The following SCFD1 variants were observed in gnomAD, a reference collection of about 807,000 sequenced individuals.
SCFD1 encodes sec1 family domain-containing protein 1.
Under a neutral mutation model 103.2 loss-of-function variants are expected in SCFD1, and 37 were observed. The observed-to-expected ratio is 0.36, with a 90% confidence interval of 0.28 to 0.47. The LOEUF (loss-of-function observed/expected upper bound fraction) is 0.47. Ranked by LOEUF, SCFD1 falls within the 20% of genes least tolerant of loss-of-function variation. The pLI is 1.00. For synonymous variants in SCFD1, 264 were observed against 245.0 expected, an observed-to-expected ratio of 1.08 and a Z score of -0.73; for missense variants, 639 against 761.2, an observed-to-expected ratio of 0.84 and a Z score of 1.89.
chr14:30,670,103 C>CAAAATT (rs1888396982), intron 10 of SCFD1, 153 bp from the exon 11 acceptor site: 2 of 616,294 alleles, frequency 3.2e-6, no homozygotes, highest in Non-Finnish European at 5.5e-6. Context: ...AATACAGAAA[C>CAAAATT]AAAATTACAT....
intron 19 of SCFD1, among the ~76,000 whole-genome samples, chr14:30,709,761 C>T (rs74041112): frequency 0.049 from 7,458 of 152,204 alleles, 596 homozygotes; most frequent in African/African-American, 0.17. Flanking sequence ...TCTTATTTAT[C>T]GTCAACTGTG....
intron 14 of SCFD1, among the ~76,000 whole-genome samples, chr14:30,679,462 C>T (rs1208435374): frequency 6.6e-6 from 1 of 152,076 alleles, no homozygotes; most frequent in East Asian, 1.9e-4. Flanking sequence ...TTTGCAATGT[C>T]TCTAAAATTT....
intron 14 of SCFD1, among the ~76,000 whole-genome samples, chr14:30,677,805 G>T (rs1889147987): frequency 7.9e-6 from 1 of 125,920 alleles, no homozygotes. Context: ...ACTTACTTGT[G>T]AACATACATT....
chr14:30,688,653 T>A (rs968647215), intron 14 of SCFD1, among the ~76,000 whole-genome samples: 1 of 108,926 alleles, frequency 9.2e-6, no homozygotes, highest in Non-Finnish European at 1.7e-5. Context: ...TTTTTTTGTT[T>A]TCCATTTGCT....
chr14:30,626,345 G>T (rs1353751585), intron 1 of SCFD1, among the ~76,000 whole-genome samples: 1 of 152,142 alleles, frequency 6.6e-6, no homozygotes, highest in East Asian at 1.9e-4. Flanking sequence ...ACTTAAGCGT[G>T]CCCTGAGAAT....
In SCFD1 at chr14:30,672,318, A is replaced by C. The variant is rs138668264; in HGVS notation, c.996-939A>C. On this transcript the variant is annotated intron_variant, in intron 11 of 24. Coordinates refer to ENST00000458591, the MANE Select transcript of SCFD1 (RefSeq NM_016106.4). ...CCAACATAGACTCAACTGGAGCTGG[A>C]GTAAATGCCTGTGCTTGTGAGGTAA... Among the ~76,000 whole-genome samples the C allele has an allele frequency of 5.3e-5, 8 of 152,262 alleles. No homozygotes were observed. The East Asian group carries it at 1.5e-3, about 29-fold the overall frequency.
intron 1 of SCFD1, among the ~76,000 whole-genome samples, chr14:30,627,787 C>T (rs1460592980): frequency 2.8e-5 from 4 of 142,572 alleles, no homozygotes; most frequent in Admixed American, 7.0e-5. Context: ...ATCTTTCTCA[C>T]TAGGCCACTC....
intron 11 of SCFD1, 88 bp downstream of exon 11, chr14:30,670,483 G>T: frequency 1.1e-6 from 1 of 924,790 alleles, no homozygotes; most frequent in Non-Finnish European, 1.6e-6. Context: ...GAAAAAAAAG[G>T]GTCATGTAGG....
intron 23 of SCFD1, among the ~76,000 whole-genome samples, chr14:30,726,664 C>A (rs10483364): frequency 5.3e-5 from 8 of 152,244 alleles, no homozygotes; most frequent in Non-Finnish European, 1.0e-4. Flanking sequence ...AATTGAGGAG[C>A]GTACTTAATC....
intron 3 of SCFD1, among the ~76,000 whole-genome samples, chr14:30,631,421 T>C (rs573502651): frequency 6.6e-6 from 1 of 152,198 alleles, no homozygotes; most frequent in Non-Finnish European, 1.5e-5. Context: ...ATTTATTGAC[T>C]GCAGTGCTGA....
intron 23 of SCFD1, among the ~76,000 whole-genome samples, chr14:30,730,523 G>A (rs1020817700): frequency 1.3e-5 from 2 of 152,156 alleles, no homozygotes; most frequent in Non-Finnish European, 2.9e-5. Flanking sequence ...AGCACCTGTT[G>A]TTCCCTGACT....
chr14:30,725,325 G>T (rs572480405), intron 23 of SCFD1, among the ~76,000 whole-genome samples: 1 of 152,142 alleles, frequency 6.6e-6, no homozygotes, highest in Non-Finnish European at 1.5e-5. Context: ...AGCATGGAAT[G>T]TTTTTCCATT....
In SCFD1 at chr14:30,668,565, A is replaced by G. The variant is rs182281271; in HGVS notation, c.856-1691A>G. The stretch of plus-strand genomic sequence containing the variant: ...TAGACAAATGGGATCTAATTAAACT[A>G]AAGAGCTTCTGCACAGCAAAAGAAA... On this transcript the variant is annotated intron_variant, in intron 10 of 24. Coordinates refer to ENST00000458591, the MANE Select transcript of SCFD1 (RefSeq NM_016106.4). 4.6e-5 allele frequency among the ~76,000 whole-genome samples: 7 copies of G among 152,260 alleles called. No individual in the cohort carries two copies. In the East Asian group the frequency reaches 1.4e-3, roughly 29 times the overall value.
chr14:30,715,865 T>C, intron 19 of SCFD1, 59 bp from the exon 20 acceptor site: 1 of 920,552 alleles, frequency 1.1e-6, no homozygotes, highest in Non-Finnish European at 1.7e-6. Flanking sequence ...ATCAGGTTGT[T>C]TTAATAGAGA....
chr14:30,643,462 T>A, intron 7 of SCFD1, 57 bp downstream of exon 7: 6 of 1,179,914 alleles, frequency 5.1e-6, no homozygotes, highest in Non-Finnish European at 7.6e-6. Flanking sequence ...ACAAGTAATT[T>A]TAATGTATTA....
At chr14:30,691,945 T>TTTAG (rs1890340009) in intron 14 of SCFD1, among the ~76,000 whole-genome samples, 1 of 141,488 alleles carries the variant, frequency 7.1e-6, no homozygotes, top group Non-Finnish European at 1.6e-5. Flanking sequence ...TATTTATTTA[T>TTTAG]TTATTTATTT....
At chr14:30,659,656 T>A (rs1052675036) in intron 10 of SCFD1, among the ~76,000 whole-genome samples, 1 of 152,172 alleles carries the variant, frequency 6.6e-6, no homozygotes, top group Admixed American at 6.5e-5. Flanking sequence ...TGAACAAGCT[T>A]CCCAAATATA....
At chr14:30,648,975 C>CA (rs34928852) in intron 7 of SCFD1, among the ~76,000 whole-genome samples, 41,363 of 99,076 alleles carry the variant, frequency 0.42, 7,587 homozygotes, top group East Asian at 0.7. Context: ...CACCCCGTCT[C>CA]AAAAAAAAAA....
chr14:30,707,986 C>G lies in SCFD1; in HGVS notation c.1554-4C>G, dbSNP rs750591910. 3 of 1,608,938 alleles carry G rather than the reference C, an allele frequency of 1.9e-6. No homozygotes were observed. Among genetic ancestry groups the G allele is most frequent in the South Asian group, 1.1e-5 (1 of 90,960 alleles). On this transcript the variant is annotated splice_polypyrimidine_tract_variant and splice_region_variant and intron_variant, in intron 18 of 24. Coordinates refer to ENST00000458591, the MANE Select transcript of SCFD1 (RefSeq NM_016106.4). ...AATGGTCCTTCTCTTTTGCCCCTAC[C>G]TAGTCTTTTATCACGAGTCATGAAT...
Sources: gnomAD v4.1 joint callset for allele counts (sites outside exome capture counted in the v4.1 genomes callset) on GRCh38, gnomAD v4.1.1 for gene constraint, MANE v1.5 for transcripts, NCBI Gene and HGNC (gene_info 2026-07-23, HGNC 2026-07-21) for gene names.